The following NPAS3 variants were observed in gnomAD, a reference collection of about 807,000 sequenced individuals.
NPAS3 encodes the protein neuronal PAS domain protein 3.
A neutral mutation model predicts 73.1 loss-of-function variants in NPAS3; 14 were observed. That is an observed-to-expected ratio of 0.19 (90% CI 0.13 to 0.30). The LOEUF (loss-of-function observed/expected upper bound fraction) is 0.30. Among genes scored for constraint, NPAS3 ranks in the 10% least tolerant of loss-of-function variants. NPAS3 has a pLI of 1.00. For synonymous variants in NPAS3, 620 were observed against 541.5 expected (o/e 1.14, Z -2.01); for missense variants, 1,096 against 1,250.0 (o/e 0.88, Z 1.86).
intron 4 of NPAS3, among the ~76,000 whole-genome samples, chr14:33,400,855 A>G (rs977057600): frequency 2.1e-4 from 32 of 151,932 alleles, no homozygotes; most frequent in African/African-American, 7.5e-4. Context: ...TATCCCACCA[A>G]GTATTTCAGA....
chr14:33,241,960 G>A (rs922485979), intron 3 of NPAS3, among the ~76,000 whole-genome samples: 1 of 151,970 alleles, frequency 6.6e-6, no homozygotes, highest in Non-Finnish European at 1.5e-5. Flanking sequence ...ATAGTTTCAT[G>A]TTTTAAATAA....
At chr14:33,032,539 T>C (rs1331492339) in intron 1 of NPAS3, among the ~76,000 whole-genome samples, 4 of 152,206 alleles carry the variant, frequency 2.6e-5, no homozygotes, top group Non-Finnish European at 5.9e-5. Flanking sequence ...CAAGGCTTTC[T>C]CTGACTGCTG....
chr14:33,553,657 T>G (rs1262970456), intron 4 of NPAS3, among the ~76,000 whole-genome samples: 2 of 152,210 alleles, frequency 1.3e-5, no homozygotes, highest in Non-Finnish European at 2.9e-5. Context: ...CAGAAAGCTC[T>G]TAGAGATTCT....
At chr14:33,681,629 A>ACTTT (rs2059940896) in intron 6 of NPAS3, among the ~76,000 whole-genome samples, 1 of 152,154 alleles carries the variant, frequency 6.6e-6, no homozygotes, top group Non-Finnish European at 1.5e-5. Flanking sequence ...TAGAGTAGCA[A>ACTTT]CTTTCTGGAA....
rs769167830 is a variant in NPAS3 at position 33,727,382 on chromosome 14, T to C, written c.734-7832T>C. Among the ~76,000 whole-genome samples, 76 of 152,220 alleles carry C rather than the reference T, an allele frequency of 5.0e-4. 1 individual carries two copies. The highest frequency in any genetic ancestry group is 6.8e-4 in the Non-Finnish European group (46 of 67,994). The stretch of plus-strand genomic sequence containing the variant: ...GATATGCGCTAAACAGCCTGAAGGA[T>C]AGAAAAAAATATATTTGTAGCTCAT... On this transcript the variant is annotated intron_variant, in intron 6 of 11. Transcript: ENST00000356141.
chr14:33,013,362 G>A (rs1408013832), intron 1 of NPAS3, among the ~76,000 whole-genome samples: 2 of 152,148 alleles, frequency 1.3e-5, no homozygotes, highest in Non-Finnish European at 2.9e-5. Context: ...GTCTGAAATG[G>A]AATTTGGAAT....
intron 4 of NPAS3, among the ~76,000 whole-genome samples, chr14:33,455,434 G>C (rs1209093832): frequency 6.6e-6 from 1 of 152,204 alleles, no homozygotes; most frequent in Non-Finnish European, 1.5e-5. Context: ...TCACATGTGA[G>C]AACAGAGAGT....
At chr14:33,355,325 G>A (rs1193193206) in intron 3 of NPAS3, among the ~76,000 whole-genome samples, 3 of 152,052 alleles carry the variant, frequency 2.0e-5, no homozygotes, top group African/African-American at 7.2e-5. Flanking sequence ...TTTTGAGATG[G>A]AGTCTTGCTC....
intron 5 of NPAS3, among the ~76,000 whole-genome samples, chr14:33,630,643 A>G (rs897727215): frequency 6.6e-6 from 1 of 152,238 alleles, no homozygotes; most frequent in Non-Finnish European, 1.5e-5. Flanking sequence ...GTTTTAAAAT[A>G]ATGCACAGAT....
chr14:33,485,776 C>T (rs2051557550), intron 4 of NPAS3, among the ~76,000 whole-genome samples: 1 of 152,086 alleles, frequency 6.6e-6, no homozygotes, highest in African/African-American at 2.4e-5. Flanking sequence ...CACAAGATCT[C>T]CTTGGTTTCT....
intron 4 of NPAS3, among the ~76,000 whole-genome samples, chr14:33,397,802 CT>C (rs1395470139): frequency 1.3e-5 from 2 of 152,250 alleles, no homozygotes; most frequent in East Asian, 3.9e-4. Context: ...CTTTTGACCA[CT>C]GCGCTCTGAG....
At chr14:33,362,962 G>C (rs545925015) in intron 3 of NPAS3, among the ~76,000 whole-genome samples, 2 of 152,224 alleles carry the variant, frequency 1.3e-5, no homozygotes, top group African/African-American at 4.8e-5. Flanking sequence ...CTCTGCCTGT[G>C]GTCCACCTTC....
rs61447999 is a variant in NPAS3, at chr14:33,078,113, T to C, written c.140+22119T>C. On this transcript the variant is annotated intron_variant, in intron 2 of 11. Transcript: ENST00000356141. ...GAGATCGCGCCACTGCACTCCAGCCTGGGCAACAGAGCAAGACTGTTTCCA... is the reference window on the plus strand; with the variant it reads ...GAGATCGCGCCACTGCACTCCAGCCCGGGCAACAGAGCAAGACTGTTTCCA... 7.3e-4 allele frequency among the ~76,000 whole-genome samples: 111 copies of C among 151,940 alleles called. 1 individual carries two copies. The highest frequency in any genetic ancestry group is 2.4e-3 in the African/African-American group (99 of 41,396).
At chr14:33,668,630 A>G (rs1469470638) in intron 5 of NPAS3, among the ~76,000 whole-genome samples, 1 of 152,344 alleles carries the variant, frequency 6.6e-6, no homozygotes, top group East Asian at 1.9e-4. Flanking sequence ...AGCCTGGCCA[A>G]CACGACAAAA....
intron 4 of NPAS3, among the ~76,000 whole-genome samples, chr14:33,389,067 G>T (rs1017653807): frequency 2.0e-5 from 3 of 152,200 alleles, no homozygotes; most frequent in African/African-American, 7.2e-5. Context: ...TGTTCCTACA[G>T]AAGGCACTGT....
chr14:33,276,144 T>C (rs1469196003), intron 3 of NPAS3, among the ~76,000 whole-genome samples: 1 of 152,160 alleles, frequency 6.6e-6, no homozygotes, highest in Non-Finnish European at 1.5e-5. Flanking sequence ...GTTATGTTAG[T>C]CATTTCTACA....
At chr14:33,767,453 G>C (rs1003113499) in intron 7 of NPAS3, among the ~76,000 whole-genome samples, 1 of 152,024 alleles carries the variant, frequency 6.6e-6, no homozygotes, top group Non-Finnish European at 1.5e-5. Flanking sequence ...TTGACGATCT[G>C]TATGCTAAAC....
intron 4 of NPAS3, among the ~76,000 whole-genome samples, chr14:33,425,071 T>A (rs1023417430): frequency 2.0e-5 from 3 of 151,886 alleles, no homozygotes; most frequent in Non-Finnish European, 4.4e-5. Context: ...AAAAAGAGTG[T>A]TTCGGGAAAA....
chr14:33,757,382 A>G (rs1186830885), intron 7 of NPAS3, among the ~76,000 whole-genome samples: 1 of 152,138 alleles, frequency 6.6e-6, no homozygotes, highest in Non-Finnish European at 1.5e-5. Flanking sequence ...TGTTCAACAT[A>G]TGGGGAACTG....
Sources: gnomAD v4.1 joint callset for allele counts (sites outside exome capture counted in the v4.1 genomes callset) on GRCh38, gnomAD v4.1.1 for gene constraint, MANE v1.5 for transcripts, NCBI Gene and HGNC (gene_info 2026-07-23, HGNC 2026-07-21) for gene names.